COL26A1: variants seen among roughly 807,000 people sequenced by gnomAD.
COL26A1 encodes collagen type XXVI alpha 1 chain, also known as collagen alpha-1(XXVI) chain.
COL26A1 carries 41 observed loss-of-function variants against 59.3 expected under a neutral mutation model. The ratio of observed to expected loss-of-function variants is 0.69; its 90% CI spans 0.54 to 0.90. The LOEUF (loss-of-function observed/expected upper bound fraction) is 0.90. Among genes scored for constraint, COL26A1 ranks in the 40% least tolerant of loss-of-function variants. COL26A1 has a pLI of 0.00. For missense variants in COL26A1, 612 were observed against 602.3 expected (o/e 1.02, Z -0.17); for synonymous variants, 266 against 256.0 (o/e 1.04, Z -0.37).
chr7:101,397,816 G>A (rs1791896520), intron 1 of COL26A1, among the ~76,000 whole-genome samples: 1 of 152,174 alleles, frequency 6.6e-6, no homozygotes, highest in Non-Finnish European at 1.5e-5. Context: ...GGGATTACAG[G>A]TGTGAGCCAC....
Position 101,363,017 on chromosome 7 carries a change from C to T in COL26A1, c.-16C>T. On this transcript the variant is annotated 5_prime_UTR_variant, in exon 1 of 13. Transcript: ENST00000313669. ...TCGTGCCCGGGACTCCGGGTCCCCGCGGGCTGCTGCGCACGATGAAGCTGG... is the reference window on the plus strand; with the variant it reads ...TCGTGCCCGGGACTCCGGGTCCCCGTGGGCTGCTGCGCACGATGAAGCTGG... 3 of 1,566,590 alleles carry T rather than the reference C, an allele frequency of 1.9e-6. No individual in the cohort carries two copies. Among genetic ancestry groups the T allele is most frequent in the Non-Finnish European group, 2.6e-6 (3 of 1,166,208 alleles).
At chr7:101,410,918 C>G (rs1792228728) in intron 1 of COL26A1, among the ~76,000 whole-genome samples, 1 of 152,120 alleles carries the variant, frequency 6.6e-6, no homozygotes, top group East Asian at 1.9e-4. Flanking sequence ...GTTGCCCAGG[C>G]TGGGCAAACC....
At chr7:101,461,968 G>C (rs1347293560) in intron 3 of COL26A1, among the ~76,000 whole-genome samples, 1 of 151,160 alleles carries the variant, frequency 6.6e-6, no homozygotes, top group Non-Finnish European at 1.5e-5. Flanking sequence ...GGTGAGTAGA[G>C]ATGGATGGGC....
chr7:101,516,835 C>T (rs928210602), intron 3 of COL26A1, among the ~76,000 whole-genome samples: 5 of 152,104 alleles, frequency 3.3e-5, no homozygotes, highest in Non-Finnish European at 7.3e-5. Context: ...TCATGTTGTT[C>T]GAAGGCATTT....
At chr7:101,376,745 G>A (rs1026838104) in intron 1 of COL26A1, among the ~76,000 whole-genome samples, 13 of 152,224 alleles carry the variant, frequency 8.5e-5, no homozygotes, top group East Asian at 1.9e-4. Flanking sequence ...CACTTTGGGC[G>A]TCAGTGCAGA....
chr7:101,385,363 G>C (rs28893303), intron 1 of COL26A1, among the ~76,000 whole-genome samples: 1 of 122,746 alleles, frequency 8.1e-6, no homozygotes. Flanking sequence ...GTATATATAT[G>C]TGTGTATATA....
chr7:101,554,296 T>G (rs1396494282), intron 11 of COL26A1, among the ~76,000 whole-genome samples: 1 of 152,054 alleles, frequency 6.6e-6, no homozygotes, highest in East Asian at 1.9e-4. Context: ...CCAGGGGACC[T>G]TCAGGAAGTC....
chr7:101,526,882 C>A (rs528037136), intron 3 of COL26A1, among the ~76,000 whole-genome samples: 21 of 152,198 alleles, frequency 1.4e-4, no homozygotes, highest in Non-Finnish European at 2.9e-4. Context: ...GAGGGCGTCT[C>A]AAGCCACACG....
intron 1 of COL26A1, among the ~76,000 whole-genome samples, chr7:101,370,987 T>C (rs1487600472): frequency 6.6e-6 from 1 of 152,182 alleles, no homozygotes; most frequent in Non-Finnish European, 1.5e-5. Context: ...TCCTTGCAGA[T>C]GGAGTCATTT....
In COL26A1 at chr7:101,533,067, C is replaced by G; in HGVS notation, c.386-15C>G. 1 of 1,594,998 alleles carries G rather than the reference C, an allele frequency of 6.3e-7. No homozygotes were observed. Among genetic ancestry groups the G allele is most frequent in the Non-Finnish European group, 8.5e-7 (1 of 1,171,098 alleles). On this transcript the variant is annotated splice_polypyrimidine_tract_variant and intron_variant, in intron 3 of 12. Coordinates refer to ENST00000313669, the MANE Select transcript of COL26A1 (RefSeq NM_001278563.3). ...TCTACACTCTGCTCTCATATAAGTT[C>G]CTCTTCTCTTTCAGAATGCATGAAC... is the stretch of plus-strand genomic sequence containing the variant.
intron 3 of COL26A1, among the ~76,000 whole-genome samples, chr7:101,521,328 G>T (rs1795137393): frequency 6.6e-6 from 1 of 152,142 alleles, no homozygotes; most frequent in Non-Finnish European, 1.5e-5. Context: ...CCCTATCTCA[G>T]GTATTTGGTT....
rs191429469 is a variant in COL26A1 at position 101,372,070 on chromosome 7, T to C, written c.158+8880T>C. ...GGAAAAAGGATAGTAAACCCTCTGT[T>C]CATGAATGTGACCGTGGACTGCATT... On this transcript the variant is annotated intron_variant, in intron 1 of 12. Transcript: ENST00000313669. Among the ~76,000 whole-genome samples the C allele has an allele frequency of 5.9e-5, 9 of 152,306 alleles. No homozygotes were observed. The East Asian group carries it at 1.7e-3, about 29-fold the overall frequency.
At chr7:101,469,034 C>T (rs929653383) in intron 3 of COL26A1, among the ~76,000 whole-genome samples, 1 of 152,180 alleles carries the variant, frequency 6.6e-6, no homozygotes, top group African/African-American at 2.4e-5. Context: ...GTTTCCATCT[C>T]CTGATCTTCT....
chr7:101,438,763 C>G (rs758405991), intron 2 of COL26A1, among the ~76,000 whole-genome samples: 1 of 151,430 alleles, frequency 6.6e-6, no homozygotes, highest in Non-Finnish European at 1.5e-5. Flanking sequence ...TTCCGCCTCT[C>G]GGGTTCAAGC....
chr7:101,431,947 A>G (rs1362214004), intron 2 of COL26A1, among the ~76,000 whole-genome samples: 1 of 147,752 alleles, frequency 6.8e-6, no homozygotes, highest in Non-Finnish European at 1.5e-5. Context: ...GTACACCACC[A>G]TGCTTGGCTA....
intron 3 of COL26A1, among the ~76,000 whole-genome samples, chr7:101,526,638 G>A (rs1795253473): frequency 6.6e-6 from 1 of 152,232 alleles, no homozygotes; most frequent in South Asian, 2.1e-4. Context: ...TCATTTGGGA[G>A]GTGGGTCCTG....
intron 3 of COL26A1, among the ~76,000 whole-genome samples, chr7:101,496,680 G>T (rs1394333581): frequency 6.6e-6 from 1 of 152,172 alleles, no homozygotes; most frequent in Non-Finnish European, 1.5e-5. Context: ...GAGCCCTGGA[G>T]TTTGACACCA....
At chr7:101,443,071 G>T (rs1448436726) in intron 2 of COL26A1, among the ~76,000 whole-genome samples, 4 of 152,004 alleles carry the variant, frequency 2.6e-5, no homozygotes, top group Admixed American at 2.6e-4. Flanking sequence ...ATGTATGTGA[G>T]TGTGTGTTTA....
In COL26A1 at chr7:101,517,399, T is replaced by TA. The variant is rs1339968599; in HGVS notation, c.386-15682dup. Among the ~76,000 whole-genome samples, 3 of 152,202 alleles carry TA rather than the reference T, an allele frequency of 2.0e-5. No homozygotes were observed. In the South Asian group the frequency reaches 6.2e-4, roughly 32 times the overall value. ...CAGAAAAAAAGAGGTTTAATGGACT[T>TA]ACAGCTCCACGTGGCTGGGGGAGCC... On this transcript the variant is annotated intron_variant, in intron 3 of 12. Transcript: ENST00000313669.
Sources: gnomAD v4.1 joint callset for allele counts (sites outside exome capture counted in the v4.1 genomes callset) on GRCh38, gnomAD v4.1.1 for gene constraint, MANE v1.5 for transcripts, NCBI Gene and HGNC (gene_info 2026-07-23, HGNC 2026-07-21) for gene names.